The following OXR1 variants were observed in gnomAD, a reference collection of about 807,000 sequenced individuals.
OXR1 encodes oxidation resistance 1, also known as oxidation resistance protein 1.
A neutral mutation model predicts 104.6 loss-of-function variants in OXR1; 41 were observed. The observed-to-expected ratio is 0.39, with a 90% CI of 0.31 to 0.51. OXR1 has a LOEUF of 0.51. OXR1 is among the 20% of genes least tolerant of loss of function. OXR1 has a pLI of 0.77. For synonymous variants in OXR1, 348 were observed against 348.4 expected, an observed-to-expected ratio of 1.00 and a Z score of 0.01; for missense variants, 955 against 1,031.9, an observed-to-expected ratio of 0.93 and a Z score of 1.02.
At chr8:106,385,912 C>T (rs1817352278) in intron 2 of OXR1, among the ~76,000 whole-genome samples, 1 of 152,188 alleles carries the variant, frequency 6.6e-6, no homozygotes, top group Admixed American at 6.5e-5. Context: ...GAGTCCTTTA[C>T]TGCTAGACTT....
chr8:106,702,868 C>T (rs755005156), intron 7 of OXR1, 38 bp from the exon 8 acceptor site: 30 of 1,505,922 alleles, frequency 2.0e-5, no homozygotes, highest in Non-Finnish European at 2.6e-5. Flanking sequence ...GAAGTATCAA[C>T]CTTGAGGATT....
chr8:106,417,208 C>T (rs1818715894), intron 2 of OXR1, among the ~76,000 whole-genome samples: 1 of 152,008 alleles, frequency 6.6e-6, no homozygotes, highest in Admixed American at 6.6e-5. Context: ...CATAAGATCA[C>T]TAGAGAATTA....
chr8:106,645,249 A>C (rs1233879524), intron 3 of OXR1, among the ~76,000 whole-genome samples: 1 of 151,946 alleles, frequency 6.6e-6, no homozygotes, highest in Admixed American at 6.6e-5. Flanking sequence ...TTCCTTCCGG[A>C]CTCCTAGAAA....
intron 2 of OXR1, among the ~76,000 whole-genome samples, chr8:106,455,341 T>G (rs1820545188): frequency 6.6e-6 from 1 of 152,210 alleles, no homozygotes; most frequent in Admixed American, 6.5e-5. Flanking sequence ...AATTTATATC[T>G]TCACAATTTT....
At chr8:106,415,898 C>T (rs1818658062) in intron 2 of OXR1, among the ~76,000 whole-genome samples, 1 of 152,030 alleles carries the variant, frequency 6.6e-6, no homozygotes. Context: ...AGTATATTTT[C>T]AAATATTTAT....
chr8:106,520,346 A>G (rs1441857893), intron 3 of OXR1: 1 of 151,936 alleles, frequency 6.6e-6, no homozygotes, highest in Non-Finnish European at 1.5e-5. Flanking sequence ...TCTAGTTCTA[A>G]TTCCTACAAC....
At chr8:106,310,524 T>G (rs1421688090) in intron 1 of OXR1, among the ~76,000 whole-genome samples, 1 of 152,184 alleles carries the variant, frequency 6.6e-6, no homozygotes, top group Non-Finnish European at 1.5e-5. Flanking sequence ...GTTTCATGTC[T>G]TCCTTTTTCT....
At chr8:106,355,776 C>G (rs1025268555) in intron 1 of OXR1, among the ~76,000 whole-genome samples, 1 of 151,644 alleles carries the variant, frequency 6.6e-6, no homozygotes, top group Non-Finnish European at 1.5e-5. Flanking sequence ...TAGAAATCTA[C>G]ATATAAGCTT....
intron 3 of OXR1, among the ~76,000 whole-genome samples, chr8:106,523,225 T>G (rs146083454): frequency 9.6e-4 from 147 of 152,334 alleles, no homozygotes; most frequent in African/African-American, 3.3e-3. Context: ...CCAAGAATAC[T>G]CTCTGCTCTT....
chr8:106,326,406 GA>G (rs1814470166), intron 1 of OXR1, among the ~76,000 whole-genome samples: 1 of 152,150 alleles, frequency 6.6e-6, no homozygotes, highest in Non-Finnish European at 1.5e-5. Flanking sequence ...AAACTATATT[GA>G]AAAAAGTGAC....
At chr8:106,454,744 C>T (rs1236580399) in intron 2 of OXR1, among the ~76,000 whole-genome samples, 1 of 152,008 alleles carries the variant, frequency 6.6e-6, no homozygotes, top group Non-Finnish European at 1.5e-5. Flanking sequence ...TTCCAGTTTC[C>T]TCTTCCCACT....
At chr8:106,401,884 G>A (rs914992437) in intron 2 of OXR1, among the ~76,000 whole-genome samples, 5 of 152,108 alleles carry the variant, frequency 3.3e-5, no homozygotes, top group Admixed American at 3.3e-4. Context: ...CTTATGAAGG[G>A]GAAAAATTGA....
intron 2 of OXR1, among the ~76,000 whole-genome samples, chr8:106,393,473 T>G (rs1817660387): frequency 6.6e-6 from 1 of 152,174 alleles, no homozygotes; most frequent in Middle Eastern, 3.2e-3. Flanking sequence ...ATGTGATCTA[T>G]TTTTAACAGT....
At chr8:106,414,913 T>A (rs1472061455) in intron 2 of OXR1, among the ~76,000 whole-genome samples, 2 of 152,160 alleles carry the variant, frequency 1.3e-5, no homozygotes, top group East Asian at 1.9e-4. Flanking sequence ...GACAGCAGTC[T>A]TAATAAGGCT....
intron 1 of OXR1, among the ~76,000 whole-genome samples, chr8:106,323,757 A>C (rs1814332441): frequency 6.6e-6 from 1 of 152,228 alleles, no homozygotes; most frequent in South Asian, 2.1e-4. Context: ...GCATATGAAA[A>C]AAAGCCCAAT....
intron 2 of OXR1, among the ~76,000 whole-genome samples, chr8:106,407,532 A>G (rs759933642): frequency 1.3e-5 from 2 of 152,212 alleles, no homozygotes; most frequent in Non-Finnish European, 2.9e-5. Context: ...GTCATCTACT[A>G]ATTGAATACC....
At chr8:106,298,677 C>T (rs1314705551) in intron 1 of OXR1, among the ~76,000 whole-genome samples, 2 of 151,984 alleles carry the variant, frequency 1.3e-5, no homozygotes, top group Admixed American at 1.3e-4. Context: ...ATGGAAGATG[C>T]ACATAGCTGA....
At chr8:106,348,589 A>G (rs1465538386) in intron 1 of OXR1, among the ~76,000 whole-genome samples, 5 of 152,134 alleles carry the variant, frequency 3.3e-5, no homozygotes, top group South Asian at 2.1e-4. Context: ...ATTAAAATTG[A>G]TTGTAGATTC....
chr8:106,376,721 CT>C (rs1816920121), intron 2 of OXR1, among the ~76,000 whole-genome samples: 1 of 152,196 alleles, frequency 6.6e-6, no homozygotes, highest in Non-Finnish European at 1.5e-5. Flanking sequence ...GGTTCCACCT[CT>C]GATTTCCACA....
Sources: gnomAD v4.1 joint callset for allele counts (sites outside exome capture counted in the v4.1 genomes callset) on GRCh38, gnomAD v4.1.1 for gene constraint, MANE v1.5 for transcripts, NCBI Gene and HGNC (gene_info 2026-07-23, HGNC 2026-07-21) for gene names.